HFM1: variants seen among roughly 807,000 people sequenced by gnomAD.
HFM1 encodes helicase for meiosis 1, also known as probable ATP-dependent DNA helicase HFM1.
In HFM1, 169 loss-of-function variants were observed where a neutral mutation model predicts 192.1. The ratio of observed to expected loss-of-function variants is 0.88; its 90% CI spans 0.78 to 1.00. HFM1 has a LOEUF of 1.00. Among genes scored for constraint, HFM1 ranks in the 50% least tolerant of loss-of-function variants. HFM1 has a pLI of 0.00. For synonymous variants in HFM1, 525 were observed against 537.8 expected, an observed-to-expected ratio of 0.98 and a Z score of 0.33; for missense variants, 1,661 against 1,668.0, an observed-to-expected ratio of 1.00 and a Z score of 0.07.
intron 20 of HFM1, among the ~76,000 whole-genome samples, chr1:91,333,320 G>A (rs1654097499): frequency 6.6e-6 from 1 of 152,148 alleles, no homozygotes; most frequent in Non-Finnish European, 1.5e-5. Flanking sequence ...GGAACCCCAG[G>A]TCATTATGCT....
intron 21 of HFM1, among the ~76,000 whole-genome samples, chr1:91,324,199 C>T (rs1364884864): frequency 6.6e-6 from 1 of 152,156 alleles, no homozygotes; most frequent in East Asian, 1.9e-4. Flanking sequence ...AGGTCATCAC[C>T]AATACTATTC....
chr1:91,316,291 G>T, intron 26 of HFM1, 100 bp downstream of exon 26: 1 of 999,734 alleles, frequency 1.0e-6, no homozygotes, highest in Non-Finnish European at 1.5e-6. Flanking sequence ...CCAAAAGTAA[G>T]TTGAAATACT....
At chr1:91,368,141 G>C (rs202208621) in intron 13 of HFM1, among the ~76,000 whole-genome samples, 1 of 152,192 alleles carries the variant, frequency 6.6e-6, no homozygotes, top group African/African-American at 2.4e-5. Flanking sequence ...TGAAAGTGAC[G>C]GGGAGAATGG....
At chr1:91,399,976 A>C (rs1664108490) in intron 2 of HFM1, among the ~76,000 whole-genome samples, 1 of 152,246 alleles carries the variant, frequency 6.6e-6, no homozygotes, top group Non-Finnish European at 1.5e-5. Context: ...ATGATTATTT[A>C]CATGGTCCTA....
At chr1:91,375,488 A>G in intron 12 of HFM1, 39 bp downstream of exon 12, 1 of 1,610,166 alleles carries the variant, frequency 6.2e-7, no homozygotes, top group Non-Finnish European at 8.5e-7. Flanking sequence ...CATGTTAAAA[A>G]CTGAATATAC....
At position 91,313,972 on chromosome 1, in the gene HFM1, T is replaced by G; in HGVS notation, c.3229A>C (p.Ile1077Leu). ...ATTAACTTACCAAATTCAGAACTTA[T>G]TAGATTTATGCTAAGATCTTCAGAT... ...LKSEDLSINL[I>L]SSEFVGLDIQ... Residue 1077 changes from isoleucine to leucine, a missense_variant, in exon 29 of 39, where the codon ATA (isoleucine) becomes CTA (leucine). Ile to Leu is a conservative substitution (Grantham distance 5). Coordinates refer to ENST00000370425, the MANE Select transcript of HFM1 (RefSeq NM_001017975.6). 6.3e-7 allele frequency: 1 copy of G among 1,585,684 alleles called. No homozygotes were observed. The highest frequency in any genetic ancestry group is 1.3e-5 in the African/African-American group (1 of 74,354).
In HFM1 at chr1:91,262,555, A is replaced by G. The variant is rs769759236; in HGVS notation, c.4012T>C (p.Ser1338Pro). 2.5e-6 allele frequency: 4 copies of G among 1,605,576 alleles called. No homozygotes were observed. The South Asian group carries it at 3.3e-5, about 13-fold the overall frequency. Residue 1338 changes from serine (S) to proline (P), a missense_variant, in exon 37 of 39, where the codon TCA becomes CCA. Transcript: ENST00000370425. ...SSHEMSDISL[S>P]NSAMPKFSAS... ...CTGAACTTGGGCATAGCAGAATTTG[A>G]TAAAGAAATATCCGACATCTCATGT...
rs578084226 is a variant in HFM1 at position 91,361,511 on chromosome 1, T to A, written c.1686-8212A>T. ...TTCCAAGACTGAACCAGGAAGAAAT[T>A]GAATCCCTGAGCAGACCAATAATGA... On this transcript the variant is annotated intron_variant, in intron 13 of 38. Coordinates refer to ENST00000370425, the MANE Select transcript of HFM1 (RefSeq NM_001017975.6). Among the ~76,000 whole-genome samples the A allele has an allele frequency of 2.0e-5, 3 of 152,224 alleles. No homozygotes were observed. The South Asian group carries it at 6.2e-4, about 32-fold the overall frequency.
At chr1:91,374,149 C>T (rs111282091) in intron 13 of HFM1, among the ~76,000 whole-genome samples, 2 of 152,050 alleles carry the variant, frequency 1.3e-5, no homozygotes, top group Non-Finnish European at 2.9e-5. Context: ...CAATGCTGTA[C>T]AGAGTAACAG....
At chr1:91,340,773 C>CA (rs1163623375) in intron 20 of HFM1, among the ~76,000 whole-genome samples, 1 of 151,722 alleles carries the variant, frequency 6.6e-6, no homozygotes, top group Non-Finnish European at 1.5e-5. Flanking sequence ...AAATGGAAAA[C>CA]AAAAAAAGCA....
intron 13 of HFM1, among the ~76,000 whole-genome samples, chr1:91,370,176 T>C (rs1659972497): frequency 6.6e-6 from 1 of 152,170 alleles, no homozygotes; most frequent in South Asian, 2.1e-4. Flanking sequence ...GAGGAGTTGT[T>C]ACCATTCCTT....
chr1:91,392,246 G>A (rs2102126758), intron 4 of HFM1, among the ~76,000 whole-genome samples: 1 of 152,140 alleles, frequency 6.6e-6, no homozygotes, highest in Non-Finnish European at 1.5e-5. Context: ...CCCATTACTG[G>A]GTATATACCC....
chr1:91,261,296 A>G lies in HFM1; in HGVS notation c.4302T>C (p.Ile1434=). The change falls in exon 39 of 39, where the codon ATT becomes ATC. Residue 1434 remains isoleucine, a synonymous_variant. Coordinates refer to ENST00000370425, the MANE Select transcript of HFM1 (RefSeq NM_001017975.6). ...TAAAAAGTATTTGTTTGTTTTAGAA[A>G]ATACCATCAAATATTCCCAATAAAG... ...MKSLLGIFDG[I]F is the part of the protein sequence containing the mutation. 1 of 1,338,226 alleles carries G rather than the reference A, an allele frequency of 7.5e-7. No individual in the cohort carries two copies. The highest frequency in any genetic ancestry group is 9.9e-7 in the Non-Finnish European group (1 of 1,005,590). The allele number at this position is 1,338,226 out of a possible 1,614,324, so 82.9% of individuals were successfully genotyped here.
At chr1:91,358,085 G>GA (rs1277148700) in intron 13 of HFM1, among the ~76,000 whole-genome samples, 4 of 152,012 alleles carry the variant, frequency 2.6e-5, no homozygotes, top group Non-Finnish European at 5.9e-5. Flanking sequence ...AGAAATAGAA[G>GA]AAAAAATCAT....
intron 35 of HFM1, among the ~76,000 whole-genome samples, chr1:91,266,425 A>G (rs1380695195): frequency 6.6e-6 from 1 of 152,258 alleles, no homozygotes; most frequent in African/African-American, 2.4e-5. Context: ...GCTGGTATTC[A>G]CTGTGGAACT....
At chr1:91,341,103 C>T (rs778981443) in intron 20 of HFM1, among the ~76,000 whole-genome samples, 1 of 152,138 alleles carries the variant, frequency 6.6e-6, no homozygotes, top group Non-Finnish European at 1.5e-5. Context: ...TAACAGACAT[C>T]TACAGAACAC....
chr1:91,296,940 G>C (rs1647695090), intron 30 of HFM1, among the ~76,000 whole-genome samples: 1 of 152,188 alleles, frequency 6.6e-6, no homozygotes, highest in South Asian at 2.1e-4. Flanking sequence ...GTCAGACAGT[G>C]GGTGCAGGAC....
At chr1:91,274,482 C>T (rs1328040564) in intron 33 of HFM1, among the ~76,000 whole-genome samples, 1 of 151,914 alleles carries the variant, frequency 6.6e-6, no homozygotes, top group African/African-American at 2.4e-5. Flanking sequence ...AAGGGAATGA[C>T]AGAGGATAGG....
chr1:91,397,443 G>A (rs1365591852), intron 2 of HFM1, among the ~76,000 whole-genome samples: 16 of 152,128 alleles, frequency 1.1e-4, no homozygotes, highest in Non-Finnish European at 1.5e-5. Flanking sequence ...GTTGAGAAGA[G>A]CATCATATAT....
Sources: allele counts gnomAD v4.1 joint callset (sites outside exome capture counted in the v4.1 genomes callset), GRCh38; gene constraint gnomAD v4.1.1; transcripts MANE v1.5; gene names NCBI Gene and HGNC (gene_info 2026-07-23, HGNC 2026-07-21).